DPP10: variants seen among roughly 807,000 people sequenced by gnomAD.
The protein encoded by DPP10 is inactive dipeptidyl peptidase 10.
Under a neutral mutation model 120.9 loss-of-function variants are expected in DPP10, and 33 were observed. That is an observed-to-expected ratio of 0.27 (90% CI 0.21 to 0.37). DPP10 has a LOEUF of 0.37. Ranked by LOEUF, DPP10 falls within the 10% of genes least tolerant of loss-of-function variation. The pLI is 1.00. For synonymous variants in DPP10, 337 were observed against 326.1 expected, an observed-to-expected ratio of 1.03 and a Z score of -0.36; for missense variants, 816 against 942.8, an observed-to-expected ratio of 0.87 and a Z score of 1.76.
At chr2:114,668,582 A>G (rs1422267011) in intron 1 of DPP10, among the ~76,000 whole-genome samples, 5 of 152,188 alleles carry the variant, frequency 3.3e-5, no homozygotes, top group African/African-American at 4.8e-5. Flanking sequence ...AACATCACAC[A>G]CTATGAATGA....
intron 1 of DPP10, among the ~76,000 whole-genome samples, chr2:114,449,425 C>T (rs1678125766): frequency 6.6e-6 from 1 of 151,494 alleles, no homozygotes; most frequent in African/African-American, 2.4e-5. Flanking sequence ...TACCTCCAAA[C>T]AGGCTTATTT....
At chr2:115,718,093 CAG>C (rs2092549761) in intron 7 of DPP10, among the ~76,000 whole-genome samples, 1 of 151,974 alleles carries the variant, frequency 6.6e-6, no homozygotes, top group Admixed American at 6.6e-5. Flanking sequence ...TACTTATTTT[CAG>C]CGTAACTGGA....
chr2:114,958,198 G>A (rs914075683), intron 1 of DPP10, among the ~76,000 whole-genome samples: 1 of 152,190 alleles, frequency 6.6e-6, no homozygotes, highest in African/African-American at 2.4e-5. Context: ...ACAGATTAGT[G>A]TTTGCCTTAT....
intron 1 of DPP10, among the ~76,000 whole-genome samples, chr2:114,737,169 A>T (rs779395397): frequency 4.6e-5 from 7 of 152,340 alleles, no homozygotes; most frequent in Non-Finnish European, 1.0e-4. Flanking sequence ...TTTTTATTGC[A>T]TGCTGGATAT....
At chr2:115,342,626 A>G (rs2063506691) in intron 2 of DPP10, among the ~76,000 whole-genome samples, 1 of 152,118 alleles carries the variant, frequency 6.6e-6, no homozygotes, top group East Asian at 1.9e-4. Context: ...TTTTAATGAA[A>G]CTAGAAAATT....
chr2:114,678,458 C>T (rs1444652864), intron 1 of DPP10, among the ~76,000 whole-genome samples: 1 of 152,062 alleles, frequency 6.6e-6, no homozygotes, highest in Non-Finnish European at 1.5e-5. Context: ...ATCCTGCCTT[C>T]CCTTGCCTTA....
intron 1 of DPP10, among the ~76,000 whole-genome samples, chr2:115,284,811 A>C (rs1350761626): frequency 6.6e-6 from 1 of 152,036 alleles, no homozygotes; most frequent in Non-Finnish European, 1.5e-5. Flanking sequence ...AGTCCTTGTC[A>C]GATGAATTTC....
intron 3 of DPP10, chr2:115,467,998 C>T (rs1480674448): frequency 6.7e-6 from 2 of 300,052 alleles, no homozygotes; most frequent in Non-Finnish European, 1.3e-5. Context: ...CTGTGCTACC[C>T]AGAGAAGGGC....
chr2:115,739,909 G>A lies in DPP10; in HGVS notation c.852+16G>A. 3.7e-6 allele frequency: 6 copies of A among 1,611,478 alleles called. No individual in the cohort carries two copies. Among genetic ancestry groups the A allele is most frequent in the Non-Finnish European group, 5.1e-6 (6 of 1,178,028 alleles). ...GTATCCTAAGGTAAGTAACATGGAA[G>A]TACTATTTTGTTCCTTCTCTCTCTC... On this transcript the variant is annotated intron_variant, in intron 9 of 25. Transcript: ENST00000410059.
At chr2:115,136,250 C>A (rs1300976198) in intron 1 of DPP10, among the ~76,000 whole-genome samples, 1 of 152,106 alleles carries the variant, frequency 6.6e-6, no homozygotes, top group Non-Finnish European at 1.5e-5. Flanking sequence ...TTTCTAAGCA[C>A]CCCTAAGTGT....
chr2:114,537,955 C>G (rs1346774502), intron 1 of DPP10, among the ~76,000 whole-genome samples: 4 of 152,194 alleles, frequency 2.6e-5, no homozygotes, highest in Non-Finnish European at 5.9e-5. Context: ...CGCAGATTTG[C>G]CTGGCAGTTC....
At chr2:115,367,289 C>T (rs1177450312) in intron 3 of DPP10, among the ~76,000 whole-genome samples, 1 of 151,914 alleles carries the variant, frequency 6.6e-6, no homozygotes, top group Non-Finnish European at 1.5e-5. Context: ...TACTTTTTGG[C>T]AACATAGCCT....
rs1007883674 is a variant in DPP10, at chr2:115,115,687, G to A, written c.61-193552G>A. ...GTGGCATTTATCTCTGAAACGTACC[G>A]CATGGCATTTTTAAGTTAGATGAAA... On this transcript the variant is annotated intron_variant, in intron 1 of 25. Coordinates refer to ENST00000410059, the MANE Select transcript of DPP10 (RefSeq NM_020868.6). Among the ~76,000 whole-genome samples the A allele has an allele frequency of 2.8e-4, 43 of 152,104 alleles. 2 individuals are homozygous for A. The highest frequency in any genetic ancestry group is 1.8e-3 in the Admixed American group (27 of 15,248).
intron 5 of DPP10, chr2:115,526,260 G>A (rs2078129746): frequency 6.8e-6 from 2 of 295,670 alleles, no homozygotes; most frequent in Non-Finnish European, 1.3e-5. Context: ...ACAAATGCGG[G>A]CTTGTGAAAG....
chr2:114,508,989 G>A (rs1285844347), intron 1 of DPP10, among the ~76,000 whole-genome samples: 1 of 152,246 alleles, frequency 6.6e-6, no homozygotes, highest in Admixed American at 6.5e-5. Flanking sequence ...CATCTCCAGT[G>A]TGAGGAAAGA....
intron 3 of DPP10, among the ~76,000 whole-genome samples, chr2:115,407,507 T>G (rs2068607773): frequency 6.6e-6 from 1 of 152,108 alleles, no homozygotes; most frequent in South Asian, 2.1e-4. Flanking sequence ...TGTCCAAGGC[T>G]CTGTTTGCAT....
intron 1 of DPP10, among the ~76,000 whole-genome samples, chr2:114,654,664 A>G (rs1490075437): frequency 6.6e-6 from 1 of 152,038 alleles, no homozygotes; most frequent in African/African-American, 2.4e-5. Context: ...TTCTTTTGAA[A>G]ATTTTGTAAG....
At position 115,367,237 on chromosome 2, in the gene DPP10, A is replaced by G. The variant is rs541938904; in HGVS notation, c.271+23325A>G. 2.0e-5 allele frequency among the ~76,000 whole-genome samples: 3 copies of G among 151,676 alleles called. No individual in the cohort carries two copies. In the East Asian group the frequency reaches 5.8e-4, roughly 29 times the overall value. ...TAGAGTTTTTTTTATTTTGGTTTTG[A>G]TTATGTTTGTTTGTGTGTGCGTGTG... On this transcript the variant is annotated intron_variant, in intron 3 of 25. Coordinates refer to ENST00000410059, the MANE Select transcript of DPP10 (RefSeq NM_020868.6).
chr2:114,477,966 TATATATGTGTATATATGTAC>T (rs1422781290), intron 1 of DPP10, among the ~76,000 whole-genome samples: 4 of 149,172 alleles, frequency 2.7e-5, no homozygotes, highest in African/African-American at 5.0e-5. Flanking sequence ...TGTGTATATG[TATATATGTGTATATATGTAC>T]ATATATGTGT....
Sources: allele counts gnomAD v4.1 joint callset (sites outside exome capture counted in the v4.1 genomes callset), GRCh38; gene constraint gnomAD v4.1.1; transcripts MANE v1.5; gene names NCBI Gene and HGNC (gene_info 2026-07-23, HGNC 2026-07-21).